The following PPP2R5E variants were observed in gnomAD, a reference collection of about 807,000 sequenced individuals.
PPP2R5E encodes protein phosphatase 2 regulatory subunit B'epsilon, also known as serine/threonine-protein phosphatase 2A 56 kDa regulatory subunit epsilon isoform.
A neutral mutation model predicts 65.3 loss-of-function variants in PPP2R5E; 4 were observed. That is an observed-to-expected ratio of 0.06 (90% CI 0.03 to 0.14). The LOEUF (loss-of-function observed/expected upper bound fraction) is 0.14, where lower values mean the gene tolerates loss of function less well. PPP2R5E is among the 10% of genes least tolerant of loss of function. The pLI is 1.00. For synonymous variants in PPP2R5E, 183 were observed against 187.4 expected (o/e 0.98, Z 0.19); for missense variants, 274 against 556.1 (o/e 0.49, Z 5.10).
chr14:63,428,049 C>G (rs1315676099), intron 3 of PPP2R5E, among the ~76,000 whole-genome samples: 3 of 152,150 alleles, frequency 2.0e-5, no homozygotes, highest in African/African-American at 4.8e-5. Context: ...TCTCCTTTCT[C>G]ATCAGCTCCT....
intron 2 of PPP2R5E, among the ~76,000 whole-genome samples, chr14:63,484,200 G>C (rs920921839): frequency 6.6e-6 from 1 of 152,086 alleles, no homozygotes; most frequent in Admixed American, 6.6e-5. Flanking sequence ...CTGTGAAAGG[G>C]ACCGGACCAA....
rs1884403751 is a variant in PPP2R5E, at chr14:63,382,177, A to T, written c.1203-20T>A. On this transcript the variant is annotated intron_variant, in intron 12 of 13. Transcript: ENST00000337537. ...ATAGCCCTGGAAAGCACAGAAAAAAAGGAGTGTGTTAGTTAGTCTTATAAA... is the reference window on the plus strand; with the variant it reads ...ATAGCCCTGGAAAGCACAGAAAAAATGGAGTGTGTTAGTTAGTCTTATAAA... 6.3e-7 allele frequency: 1 copy of T among 1,591,318 alleles called. No individual in the cohort carries two copies. Among genetic ancestry groups the T allele is most frequent in the African/African-American group, 1.3e-5 (1 of 74,384 alleles).
At chr14:63,460,939 T>A (rs1594898447) in intron 2 of PPP2R5E, among the ~76,000 whole-genome samples, 1 of 152,242 alleles carries the variant, frequency 6.6e-6, no homozygotes, top group African/African-American at 2.4e-5. Flanking sequence ...ATGCACACAG[T>A]GATAAATGAC....
At chr14:63,420,210 T>G (rs1302108165) in intron 4 of PPP2R5E, among the ~76,000 whole-genome samples, 1 of 152,206 alleles carries the variant, frequency 6.6e-6, no homozygotes, top group Non-Finnish European at 1.5e-5. Context: ...TTTCCTTGTC[T>G]TTTCCACCAT....
intron 6 of PPP2R5E, among the ~76,000 whole-genome samples, chr14:63,395,558 G>A (rs1339906709): frequency 2.9e-5 from 1 of 34,582 alleles, no homozygotes; most frequent in Non-Finnish European, 6.0e-5. Context: ...GAGGAGAGGA[G>A]GGAAGAGAGG....
intron 8 of PPP2R5E, among the ~76,000 whole-genome samples, chr14:63,393,476 G>A (rs778303816): frequency 6.6e-6 from 1 of 152,202 alleles, no homozygotes; most frequent in African/African-American, 2.4e-5. Context: ...CACTTTGGGA[G>A]GCCAAGGTGG....
At chr14:63,520,487 T>C (rs1892856432) in intron 2 of PPP2R5E, among the ~76,000 whole-genome samples, 1 of 152,192 alleles carries the variant, frequency 6.6e-6, no homozygotes, top group Non-Finnish European at 1.5e-5. Flanking sequence ...TTAATATCTA[T>C]CTCTCCAAAT....
intron 2 of PPP2R5E, among the ~76,000 whole-genome samples, chr14:63,484,231 T>C (rs1385085540): frequency 1.3e-4 from 20 of 151,622 alleles, no homozygotes; most frequent in Admixed American, 1.1e-3. Context: ...GAAATACAAG[T>C]CTGGACTGGA....
chr14:63,498,588 C>T (rs1891697448), intron 2 of PPP2R5E, among the ~76,000 whole-genome samples: 1 of 151,628 alleles, frequency 6.6e-6, no homozygotes, highest in African/African-American at 2.4e-5. Context: ...GACAGGGTCT[C>T]ACTCTGTCAC....
intron 2 of PPP2R5E, among the ~76,000 whole-genome samples, chr14:63,471,591 A>G (rs1055899283): frequency 6.6e-6 from 1 of 152,160 alleles, no homozygotes; most frequent in Admixed American, 6.5e-5. Context: ...ACATGTATTA[A>G]CTCCTTTAAT....
At chr14:63,423,877 A>G (rs960263978) in intron 3 of PPP2R5E, among the ~76,000 whole-genome samples, 1 of 152,204 alleles carries the variant, frequency 6.6e-6, no homozygotes, top group African/African-American at 2.4e-5. Context: ...CCCATTTCCT[A>G]GCTATGGAAA....
chr14:63,513,525 G>A (rs564096946), intron 2 of PPP2R5E, among the ~76,000 whole-genome samples: 2 of 152,122 alleles, frequency 1.3e-5, no homozygotes, highest in African/African-American at 4.8e-5. Flanking sequence ...ATAAAAACAT[G>A]GAGAACCTAA....
chr14:63,496,333 T>C (rs1277144301), intron 2 of PPP2R5E, among the ~76,000 whole-genome samples: 1 of 151,214 alleles, frequency 6.6e-6, no homozygotes, highest in Non-Finnish European at 1.5e-5. Context: ...TAAAACCCTG[T>C]CTCTACAGGC....
chr14:63,435,921 A>C (rs980147732), intron 3 of PPP2R5E, among the ~76,000 whole-genome samples: 1 of 152,260 alleles, frequency 6.6e-6, no homozygotes, highest in Admixed American at 6.5e-5. Flanking sequence ...TGTAGCAGTG[A>C]GTCCAAAAGT....
chr14:63,415,707 T>A (rs1270182286), intron 4 of PPP2R5E, among the ~76,000 whole-genome samples: 1 of 152,224 alleles, frequency 6.6e-6, no homozygotes, highest in Non-Finnish European at 1.5e-5. Context: ...TCAACTATCA[T>A]TCTTAGTAGC....
At position 63,415,167 on chromosome 14, in the gene PPP2R5E, T is replaced by C; in HGVS notation, c.522A>G (p.Lys174=). 6.3e-7 allele frequency: 1 copy of C among 1,594,846 alleles called. No homozygotes were observed. The highest frequency in any genetic ancestry group is 8.6e-7 in the Non-Finnish European group (1 of 1,163,710). The part of the protein sequence containing the change: ...SQEFQPSIAK[K]YIDQKFVLQL... ...GTAATACAAATTTCTGATCTATATATTTTTTGGCAATGCTGGGTTGGAATT... is the reference window on the plus strand; with the variant it reads ...GTAATACAAATTTCTGATCTATATACTTTTTGGCAATGCTGGGTTGGAATT... The change falls in exon 5 of 14, where the codon AAA becomes AAG. Residue 174 remains lysine, a synonymous_variant. Transcript: ENST00000337537.
chr14:63,524,193 A>C (rs1893087587), intron 2 of PPP2R5E, among the ~76,000 whole-genome samples: 1 of 152,214 alleles, frequency 6.6e-6, no homozygotes, highest in East Asian at 1.9e-4. Context: ...GAATTAATTA[A>C]ATTAAAATTT....
rs1883888535 is a variant in PPP2R5E at position 63,374,667 on chromosome 14, AT to A, written c.*1341del. On this transcript the variant is annotated 3_prime_UTR_variant, in exon 14 of 14. Transcript: ENST00000337537. The stretch of plus-strand genomic sequence containing the variant: ...TATATATATATATATATATATATAT[AT>A]AAAATACAGCCCTAGATTTTGTTTT... 2 of 131,458 alleles carry A rather than the reference AT, an allele frequency of 1.5e-5. No individual in the cohort carries two copies. The highest frequency in any genetic ancestry group is 3.0e-5 in the African/African-American group (1 of 32,814). 8.1% of individuals were successfully genotyped at this position (131,458 alleles called of 1,614,324 possible).
intron 8 of PPP2R5E, among the ~76,000 whole-genome samples, chr14:63,392,805 C>T (rs377198814): frequency 9.2e-5 from 14 of 152,288 alleles, no homozygotes; most frequent in African/African-American, 3.4e-4. Context: ...CGTTTTTATG[C>T]AAACTCAAAA....
Sources: allele counts gnomAD v4.1 joint callset (sites outside exome capture counted in the v4.1 genomes callset), GRCh38; gene constraint gnomAD v4.1.1; transcripts MANE v1.5; gene names NCBI Gene and HGNC (gene_info 2026-07-23, HGNC 2026-07-21).